The following IKZF1 variants were observed in gnomAD, a reference collection of about 807,000 sequenced individuals.
IKZF1 encodes DNA-binding protein Ikaros.
IKZF1 carries 10 observed loss-of-function variants against 51.7 expected under a neutral mutation model. The observed-to-expected ratio is 0.19, with a 90% CI of 0.12 to 0.33. The LOEUF is 0.33. Among genes scored for constraint, IKZF1 ranks in the 10% least tolerant of loss-of-function variants. IKZF1 has a pLI of 1.00. For missense variants in IKZF1, 484 were observed against 707.5 expected (o/e 0.68, Z 3.58); for synonymous variants, 280 against 282.3 (o/e 0.99, Z 0.08).
chr7:50,336,320 G>A (rs909868047), intron 3 of IKZF1, among the ~76,000 whole-genome samples: 73 of 152,262 alleles, frequency 4.8e-4, no homozygotes, highest in African/African-American at 1.6e-3. Context: ...CCACAGGCAC[G>A]CATGTGCTGG....
intron 1 of IKZF1, among the ~76,000 whole-genome samples, chr7:50,307,393 C>A (rs1789054934): frequency 6.6e-6 from 1 of 152,152 alleles, no homozygotes; most frequent in African/African-American, 2.4e-5. Context: ...TAAACCACGA[C>A]CTTTTTGCGT....
chr7:50,381,306 G>GA (rs1225344365), intron 4 of IKZF1, among the ~76,000 whole-genome samples: 4 of 151,870 alleles, frequency 2.6e-5, no homozygotes, highest in Non-Finnish European at 5.9e-5. Context: ...TTTTTCCTGA[G>GA]AAAAAAAGTG....
intron 1 of IKZF1, among the ~76,000 whole-genome samples, chr7:50,316,694 T>C (rs1305161993): frequency 6.6e-6 from 1 of 152,210 alleles, no homozygotes; most frequent in Non-Finnish European, 1.5e-5. Context: ...TTGAAACTGT[T>C]CTCACATCTC....
upstream of IKZF1, chr7:50,304,503 C>CGGGGGCGGCCGGCGCGGA (rs1384299836): frequency 6.7e-6 from 1 of 149,634 alleles, no homozygotes; most frequent in East Asian, 2.0e-4. Flanking sequence ...AAGGGCGCGG[C>CGGGGGCGGCCGGCGCGGA]GGGGGCGGCC....
chr7:50,350,962 G>A (rs1433785365), intron 3 of IKZF1, among the ~76,000 whole-genome samples: 3 of 152,184 alleles, frequency 2.0e-5, no homozygotes, highest in South Asian at 2.1e-4. Context: ...TAAGACCTGC[G>A]TTTAAATACT....
chr7:50,330,608 C>T (rs186349835), intron 3 of IKZF1, among the ~76,000 whole-genome samples: 149 of 152,222 alleles, frequency 9.8e-4, no homozygotes, highest in African/African-American at 3.3e-3. Context: ...TGGAAGGAAA[C>T]CAGCCAGCTT....
chr7:50,342,795 G>T (rs1799355632), intron 3 of IKZF1, among the ~76,000 whole-genome samples: 3 of 152,212 alleles, frequency 2.0e-5, no homozygotes, highest in Admixed American at 6.5e-5. Flanking sequence ...GTGCAGCCCA[G>T]ACCCCAGCCT....
intron 1 of IKZF1, among the ~76,000 whole-genome samples, chr7:50,316,174 A>G (rs1420880961): frequency 6.6e-6 from 1 of 152,176 alleles, no homozygotes; most frequent in Admixed American, 6.5e-5. Context: ...TTATGATGTC[A>G]GACGAGTCAG....
At chr7:50,375,933 G>A (rs1226127020) in intron 3 of IKZF1, among the ~76,000 whole-genome samples, 2 of 152,138 alleles carry the variant, frequency 1.3e-5, no homozygotes, top group Non-Finnish European at 2.9e-5. Context: ...AAGAACTTCC[G>A]GAAATCTGAA....
chr7:50,382,159 C>T (rs1235369537), intron 4 of IKZF1, among the ~76,000 whole-genome samples: 2 of 152,094 alleles, frequency 1.3e-5, no homozygotes, highest in Admixed American at 1.3e-4. Flanking sequence ...ATTTTAAAGA[C>T]CCTTTGAAAA....
chr7:50,365,079 C>T (rs541351811), intron 3 of IKZF1, among the ~76,000 whole-genome samples: 5 of 152,234 alleles, frequency 3.3e-5, no homozygotes, highest in Admixed American at 6.5e-5. Flanking sequence ...CTTCCAGTGC[C>T]TCTCAAGCAT....
chr7:50,375,194 G>T (rs1314268503), intron 3 of IKZF1, among the ~76,000 whole-genome samples: 1 of 152,184 alleles, frequency 6.6e-6, no homozygotes, highest in Non-Finnish European at 1.5e-5. Context: ...GGCCAAGTCA[G>T]GTGGATCACT....
intron 3 of IKZF1, among the ~76,000 whole-genome samples, chr7:50,347,881 C>T (rs1800773855): frequency 6.6e-6 from 1 of 152,144 alleles, no homozygotes; most frequent in Non-Finnish European, 1.5e-5. Flanking sequence ...GCGGACGGCT[C>T]TTTGTGACGC....
Position 50,400,027 on chromosome 7 carries a change from C to T in IKZF1, c.960C>T (p.Asn320=). Residue 320 remains asparagine (N), a synonymous_variant, in exon 8 of 8, where the codon AAC becomes AAT. Coordinates refer to ENST00000331340, the MANE Select transcript of IKZF1 (RefSeq NM_006060.6). The surrounding 1 kb of genome is among the most constrained non-coding windows in gnomAD (Gnocchi z 5.4). Reference sequence around the variant, plus strand: ...ACCAAGCCATCAACAACGCCATCAACTACCTGGGGGCCGAGTCCCTGCGCC... The same window carrying T: ...ACCAAGCCATCAACAACGCCATCAATTACCTGGGGGCCGAGTCCCTGCGCC... ...VMDQAINNAI[N]YLGAESLRPL... 1 of 1,612,758 alleles carries T rather than the reference C, an allele frequency of 6.2e-7. No homozygotes were observed. Among genetic ancestry groups the T allele is most frequent in the Non-Finnish European group, 8.5e-7 (1 of 1,179,528 alleles).
intron 3 of IKZF1, chr7:50,369,559 C>G: frequency 2.5e-6 from 1 of 398,654 alleles, no homozygotes; most frequent in Admixed American, 4.4e-5. Context: ...CAAGCGGCTA[C>G]TTGGTCTTGA....
At chr7:50,365,317 C>T (rs1806566750) in intron 3 of IKZF1, among the ~76,000 whole-genome samples, 2 of 152,206 alleles carry the variant, frequency 1.3e-5, no homozygotes, top group African/African-American at 4.8e-5. Context: ...GAGCGCTTAT[C>T]AATTCAGCAT....
rs555249234 is a variant in IKZF1 at position 50,400,874 on chromosome 7, T to C, written c.*247T>C. On this transcript the variant is annotated 3_prime_UTR_variant, in exon 8 of 8. Coordinates refer to ENST00000331340, the MANE Select transcript of IKZF1 (RefSeq NM_006060.6). This position sits in a 1 kb window ranked among gnomAD's most constrained non-coding sequence, Gnocchi z 5.4. ...CAGAACTGCTACCTTCCTAGATGTT[T>C]CCCCAGACCGCTGGCTGAGATTCCC... 9.3e-6 allele frequency: 5 copies of C among 537,106 alleles called. No individual in the cohort carries two copies. In the East Asian group the frequency reaches 1.7e-4, roughly 18 times the overall value. 33.3% of individuals were successfully genotyped at this position (537,106 alleles called of 1,614,324 possible). A position where few individuals can be genotyped will look rare whatever the true frequency, so the allele number is the denominator to read the frequency against.
intron 2 of IKZF1, among the ~76,000 whole-genome samples, chr7:50,320,386 G>A (rs559622097): frequency 1.3e-5 from 2 of 152,202 alleles, no homozygotes; most frequent in South Asian, 2.1e-4. Context: ...AATCGGATCA[G>A]GTAAATCAGC....
intron 3 of IKZF1, among the ~76,000 whole-genome samples, chr7:50,354,764 G>A (rs571997968): frequency 2.0e-4 from 31 of 152,110 alleles, no homozygotes; most frequent in African/African-American, 6.7e-4. Context: ...AGGCCCTGTG[G>A]TCACCAGGCT....
Sources: allele counts gnomAD v4.1 joint callset (sites outside exome capture counted in the v4.1 genomes callset), GRCh38; gene constraint gnomAD v4.1.1; non-coding constraint Gnocchi (gnomAD v3.1); transcripts MANE v1.5; gene names NCBI Gene and HGNC (gene_info 2026-07-23, HGNC 2026-07-21).